ALKBH3: variants seen among roughly 807,000 people sequenced by gnomAD.
The protein encoded by ALKBH3 is alpha-ketoglutarate-dependent dioxygenase alkB homolog 3.
In ALKBH3, 51 loss-of-function variants were observed where a neutral mutation model predicts 43.9. The ratio of observed to expected loss-of-function variants is 1.16; its 90% CI spans 0.93 to 1.47. ALKBH3 has a LOEUF of 1.47. Ranked by LOEUF, ALKBH3 falls within the 40% of genes most tolerant of loss-of-function variation. ALKBH3 has a pLI of 0.00. For synonymous variants in ALKBH3, 102 were observed against 115.2 expected (o/e 0.89, Z 0.73); for missense variants, 361 against 351.9 (o/e 1.03, Z -0.21).
intron 6 of ALKBH3, among the ~76,000 whole-genome samples, chr11:43,890,813 G>T (rs1360545239): frequency 6.6e-6 from 1 of 151,990 alleles, no homozygotes; most frequent in Non-Finnish European, 1.5e-5. Flanking sequence ...GCAGTGAGCC[G>T]AGATCGCGCC....
intron 8 of ALKBH3, among the ~76,000 whole-genome samples, chr11:43,917,592 C>T (rs1329734029): frequency 2.0e-5 from 3 of 152,140 alleles, no homozygotes; most frequent in Admixed American, 1.3e-4. Context: ...ATGGTCAGTG[C>T]ACTCCCTCCG....
chr11:43,896,603 C>A (rs532472729), intron 7 of ALKBH3, among the ~76,000 whole-genome samples: 3 of 152,260 alleles, frequency 2.0e-5, no homozygotes, highest in African/African-American at 4.8e-5. Flanking sequence ...AAATGTTAAT[C>A]TCTTTTTGCA....
At chr11:43,903,976 A>C (rs1208511576) in intron 8 of ALKBH3, among the ~76,000 whole-genome samples, 1 of 152,214 alleles carries the variant, frequency 6.6e-6, no homozygotes, top group Non-Finnish European at 1.5e-5. Context: ...GGTAGTACAC[A>C]TCAGTTATGT....
At chr11:43,898,663 A>G (rs1951838177) in intron 7 of ALKBH3, 2 of 724,330 alleles carry the variant, frequency 2.8e-6, no homozygotes, top group Admixed American at 1.8e-5. Flanking sequence ...ACCTGATGTC[A>G]AAGTGCTGCG....
At chr11:43,892,176 A>G (rs1388535973) in intron 7 of ALKBH3, 47 bp downstream of exon 7, 5 of 1,472,736 alleles carry the variant, frequency 3.4e-6, no homozygotes, top group Non-Finnish European at 4.7e-6. Flanking sequence ...ACTATATACT[A>G]TGTGTTGAGT....
chr11:43,895,330 T>TAC (rs1951811396), intron 7 of ALKBH3, among the ~76,000 whole-genome samples: 1 of 152,182 alleles, frequency 6.6e-6, no homozygotes, highest in African/African-American at 2.4e-5. Flanking sequence ...CCCTTACTGT[T>TAC]CTCATGGTAG....
chr11:43,911,694 T>C (rs892799456), intron 8 of ALKBH3, among the ~76,000 whole-genome samples: 1 of 152,224 alleles, frequency 6.6e-6, no homozygotes, highest in African/African-American at 2.4e-5. Context: ...ATGAGATGAC[T>C]GAGACTCAGT....
At chr11:43,895,385 C>A (rs1951811756) in intron 7 of ALKBH3, among the ~76,000 whole-genome samples, 2 of 152,154 alleles carry the variant, frequency 1.3e-5, no homozygotes, top group Admixed American at 1.3e-4. Context: ...ATGGGAGTTC[C>A]CTGCACATGC....
chr11:43,891,109 C>A (rs185871481), intron 6 of ALKBH3, among the ~76,000 whole-genome samples: 2 of 151,952 alleles, frequency 1.3e-5, no homozygotes, highest in African/African-American at 2.4e-5. Context: ...TATGAAAGAC[C>A]AACTGTACTG....
intron 8 of ALKBH3, 85 bp downstream of exon 8, chr11:43,901,810 A>T (rs974664840): frequency 1.4e-6 from 2 of 1,464,804 alleles, no homozygotes; most frequent in African/African-American, 2.8e-5. Context: ...CTACTTTCAG[A>T]TTTCGAGCAT....
At chr11:43,910,772 C>T (rs913493909) in intron 8 of ALKBH3, among the ~76,000 whole-genome samples, 4 of 150,576 alleles carry the variant, frequency 2.7e-5, no homozygotes, top group African/African-American at 9.9e-5. Flanking sequence ...CCCATGCCTA[C>T]AGTACTAAAA....
At chr11:43,905,004 C>G (rs1951886310) in intron 8 of ALKBH3, among the ~76,000 whole-genome samples, 1 of 152,040 alleles carries the variant, frequency 6.6e-6, no homozygotes, top group South Asian at 2.1e-4. Flanking sequence ...AGCTTTGACC[C>G]ATCGGAGGAG....
chr11:43,881,452 C>G (rs1183375192), intron 1 of ALKBH3: 1 of 152,240 alleles, frequency 6.6e-6, no homozygotes, highest in Non-Finnish European at 1.5e-5. Flanking sequence ...AGAAGGTGAG[C>G]AAGTCGTATC....
intron 7 of ALKBH3, chr11:43,898,177 G>A (rs556490938): frequency 4.0e-5 from 49 of 1,225,240 alleles, no homozygotes; most frequent in Non-Finnish European, 5.7e-5. Context: ...ATACCTGGGC[G>A]ATTTGACTCC....
intron 9 of ALKBH3, 69 bp downstream of exon 9, chr11:43,919,205 C>G: frequency 4.5e-6 from 6 of 1,323,654 alleles, no homozygotes; most frequent in African/African-American, 1.4e-5. Flanking sequence ...AGGACTATTT[C>G]TAAGTAGACA....
chr11:43,896,250 C>A (rs1951817537), intron 7 of ALKBH3, among the ~76,000 whole-genome samples: 1 of 149,868 alleles, frequency 6.7e-6, no homozygotes, highest in Non-Finnish European at 1.5e-5. Context: ...TCTAGAGGGA[C>A]AGAACTAATA....
At chr11:43,882,349 C>G (rs1164825828) in intron 1 of ALKBH3, among the ~76,000 whole-genome samples, 2 of 152,142 alleles carry the variant, frequency 1.3e-5, no homozygotes, top group South Asian at 2.1e-4. Flanking sequence ...TCTTAAAATG[C>G]ACTTTCTTGT....
intron 1 of ALKBH3, among the ~76,000 whole-genome samples, chr11:43,881,707 G>A (rs11037702): frequency 0.17 from 26,539 of 152,168 alleles, 2,719 homozygotes; most frequent in South Asian, 0.33. Flanking sequence ...GAAGAGGTGG[G>A]AGATGGGACC....
intron 1 of ALKBH3, among the ~76,000 whole-genome samples, chr11:43,882,038 T>C (rs1197015536): frequency 1.3e-5 from 2 of 152,222 alleles, no homozygotes; most frequent in Non-Finnish European, 2.9e-5. Flanking sequence ...GGGTGCATCA[T>C]TGAACTTTAC....
Sources: gnomAD v4.1 joint callset for allele counts (sites outside exome capture counted in the v4.1 genomes callset) on GRCh38, gnomAD v4.1.1 for gene constraint, MANE v1.5 for transcripts, NCBI Gene and HGNC (gene_info 2026-07-23, HGNC 2026-07-21) for gene names.